The following ZFPM2 variants were observed in gnomAD, a reference collection of about 807,000 sequenced individuals.
ZFPM2 encodes the protein zinc finger protein ZFPM2.
A neutral mutation model predicts 98.6 loss-of-function variants in ZFPM2; 20 were observed. That is an observed-to-expected ratio of 0.20 (90% CI 0.14 to 0.29). The LOEUF is 0.29. Among genes scored for constraint, ZFPM2 ranks in the 10% least tolerant of loss-of-function variants. The probability of loss-of-function intolerance (pLI) is 1.00; values close to 1 mark genes in which losing one functional copy is unlikely to be tolerated. For missense variants in ZFPM2, 1,310 were observed against 1,388.6 expected (o/e 0.94, Z 0.90); for synonymous variants, 518 against 502.7 (o/e 1.03, Z -0.41).
chr8:105,517,965 T>C (rs74319410), intron 3 of ZFPM2, among the ~76,000 whole-genome samples: 1 of 152,338 alleles, frequency 6.6e-6, no homozygotes, highest in African/African-American at 2.4e-5. Flanking sequence ...TTGATCATTG[T>C]GTGCCTCTCT....
At chr8:105,385,039 G>T (rs1297803514) in intron 1 of ZFPM2, among the ~76,000 whole-genome samples, 1 of 152,086 alleles carries the variant, frequency 6.6e-6, no homozygotes, top group Non-Finnish European at 1.5e-5. Context: ...GAGAGGTCTT[G>T]CCCGATGTTT....
At chr8:105,502,059 TA>T (rs1299896623) in intron 3 of ZFPM2, among the ~76,000 whole-genome samples, 16 of 152,156 alleles carry the variant, frequency 1.1e-4, no homozygotes, top group Admixed American at 9.2e-4. Context: ...TGACATTAAA[TA>T]AAAATTCAAG....
At chr8:105,450,480 C>T (rs959733129) in intron 3 of ZFPM2, among the ~76,000 whole-genome samples, 11 of 152,106 alleles carry the variant, frequency 7.2e-5, no homozygotes, top group Admixed American at 3.3e-4. Flanking sequence ...TTGTGAGAAG[C>T]GGAGGAAATC....
At chr8:105,799,496 A>T (rs1157485053) in intron 7 of ZFPM2, among the ~76,000 whole-genome samples, 1 of 152,166 alleles carries the variant, frequency 6.6e-6, no homozygotes, top group African/African-American at 2.4e-5. Context: ...ACATTAAACT[A>T]CTTTTAGTAC....
At position 105,790,575 on chromosome 8, in the gene ZFPM2, G is replaced by A. The variant is rs1390724153; in HGVS notation, c.739+1651G>A. On this transcript the variant is annotated intron_variant, in intron 6 of 7. Transcript: ENST00000407775. Reference sequence around the variant, plus strand: ...TGGCTTAGGATTGACTTGGTGATGCGGGCTCTTTTTTGGTTCCATATGAAC... The same window carrying A: ...TGGCTTAGGATTGACTTGGTGATGCAGGCTCTTTTTTGGTTCCATATGAAC... Among the ~76,000 whole-genome samples, 8 of 152,032 alleles carry A rather than the reference G, an allele frequency of 5.3e-5. No homozygotes were observed. The East Asian group carries it at 5.8e-4, about 11-fold the overall frequency.
At chr8:105,347,448 A>G (rs1174867704) in intron 1 of ZFPM2, among the ~76,000 whole-genome samples, 1 of 152,204 alleles carries the variant, frequency 6.6e-6, no homozygotes, top group African/African-American at 2.4e-5. Context: ...ATGCATATTC[A>G]GTATGAAATG....
At chr8:105,699,311 T>C (rs1374028087) in intron 5 of ZFPM2, among the ~76,000 whole-genome samples, 1 of 152,132 alleles carries the variant, frequency 6.6e-6, no homozygotes, top group Non-Finnish European at 1.5e-5. Context: ...GTTCTAGAGG[T>C]TAATGGCTAG....
intron 1 of ZFPM2, among the ~76,000 whole-genome samples, chr8:105,414,384 A>G (rs1293647998): frequency 6.6e-6 from 1 of 151,998 alleles, no homozygotes; most frequent in African/African-American, 2.4e-5. Context: ...TTACCTGAAC[A>G]AAGACAATCT....
intron 2 of ZFPM2, among the ~76,000 whole-genome samples, chr8:105,423,630 C>T (rs1811846899): frequency 1.3e-5 from 2 of 152,120 alleles, no homozygotes; most frequent in South Asian, 2.1e-4. Context: ...CTGAAATTTT[C>T]GTTTCAGTTA....
At chr8:105,698,911 T>A (rs900757821) in intron 5 of ZFPM2, among the ~76,000 whole-genome samples, 19 of 152,168 alleles carry the variant, frequency 1.2e-4, no homozygotes, top group Non-Finnish European at 2.9e-5. Flanking sequence ...AAAATCAGTG[T>A]CATTTTCTTC....
rs567946022 is a variant in ZFPM2 at position 105,562,677 on chromosome 8, C to T, written c.420+1196C>T. Among the ~76,000 whole-genome samples the T allele has an allele frequency of 2.6e-5, 4 of 152,266 alleles. No homozygotes were observed. In the East Asian group the frequency reaches 5.8e-4, roughly 22 times the overall value. Reference sequence around the variant, plus strand: ...GCCACCAGGGCCTGATGGTGTCTTTCGCACGTCCACATTCCATCTCTGACT... The same window carrying T: ...GCCACCAGGGCCTGATGGTGTCTTTTGCACGTCCACATTCCATCTCTGACT... On this transcript the variant is annotated intron_variant, in intron 4 of 7. Transcript: ENST00000407775.
intron 5 of ZFPM2, among the ~76,000 whole-genome samples, chr8:105,787,857 C>T (rs1813465959): frequency 6.6e-6 from 1 of 152,160 alleles, no homozygotes; most frequent in Non-Finnish European, 1.5e-5. Context: ...CCTGTCTAAA[C>T]ATGTTAAATA....
rs58417679 is a variant in ZFPM2 at position 105,799,254 on chromosome 8, A to G, written c.964+306A>G. On this transcript the variant is annotated intron_variant, in intron 7 of 7. Transcript: ENST00000407775. ...ATCTCAATACCCTTTGAATATTGCCATTTATTGCTTTAGTGTCAAGCAATC... is the reference window on the plus strand; with the variant it reads ...ATCTCAATACCCTTTGAATATTGCCGTTTATTGCTTTAGTGTCAAGCAATC... Among the ~76,000 whole-genome samples the G allele has an allele frequency of 0.068, 10,428 of 152,258 alleles. 416 individuals are homozygous for G. The highest frequency in any genetic ancestry group is 0.12 in the East Asian group (637 of 5,168).
intron 5 of ZFPM2, among the ~76,000 whole-genome samples, chr8:105,650,550 G>A (rs563133665): frequency 1.1e-4 from 17 of 152,242 alleles, no homozygotes; most frequent in Admixed American, 3.9e-4. Flanking sequence ...TGCTTTAAAC[G>A]TGTCCCAGAG....
chr8:105,607,822 A>G (rs1313661067), intron 4 of ZFPM2, among the ~76,000 whole-genome samples: 2 of 152,100 alleles, frequency 1.3e-5, no homozygotes, highest in Non-Finnish European at 2.9e-5. Flanking sequence ...AATATATCCT[A>G]ATATGTAGTG....
intron 2 of ZFPM2, among the ~76,000 whole-genome samples, chr8:105,422,068 AAG>A (rs1253643810): frequency 6.6e-6 from 1 of 151,692 alleles, no homozygotes; most frequent in Admixed American, 6.6e-5. Context: ...AAAAAAAAAA[AAG>A]GTAGAAGTAT....
At chr8:105,717,344 C>T (rs1025614931) in intron 5 of ZFPM2, among the ~76,000 whole-genome samples, 3 of 152,024 alleles carry the variant, frequency 2.0e-5, no homozygotes, top group African/African-American at 7.2e-5. Context: ...CACCACAGAG[C>T]TCACTCATCT....
chr8:105,496,851 G>A (rs1245645033), intron 3 of ZFPM2, among the ~76,000 whole-genome samples: 6 of 149,598 alleles, frequency 4.0e-5, no homozygotes, highest in South Asian at 2.1e-4. Context: ...GCGTGGTGGC[G>A]CATGACTGTA....
intron 2 of ZFPM2, among the ~76,000 whole-genome samples, chr8:105,429,445 A>AATATATATATATATATATATAT (rs142230291): frequency 2.3e-4 from 32 of 138,390 alleles, no homozygotes; most frequent in African/African-American, 9.7e-4. Flanking sequence ...TAGACAAGGA[A>AATATATATATATATATATATAT]ATATATATAT....
Sources: allele counts gnomAD v4.1 joint callset (sites outside exome capture counted in the v4.1 genomes callset), GRCh38; gene constraint gnomAD v4.1.1; transcripts MANE v1.5; gene names NCBI Gene and HGNC (gene_info 2026-07-23, HGNC 2026-07-21).